Variants in AQR observed in about 807,000 individuals in gnomAD.
AQR encodes the protein aquarius intron-binding spliceosomal factor.
AQR carries 61 observed loss-of-function variants against 180.5 expected under a neutral mutation model. That is an observed-to-expected ratio of 0.34 (90% CI 0.28 to 0.42). AQR has a LOEUF of 0.42. AQR is among the 10% of genes least tolerant of loss of function. The pLI is 1.00. For synonymous variants in AQR, 551 were observed against 588.8 expected, an observed-to-expected ratio of 0.94 and a Z score of 0.93; for missense variants, 1,281 against 1,798.3, an observed-to-expected ratio of 0.71 and a Z score of 5.20.
intron 16 of AQR, among the ~76,000 whole-genome samples, chr15:34,913,900 C>A (rs1042404152): frequency 1.3e-5 from 2 of 152,090 alleles, no homozygotes; most frequent in African/African-American, 2.4e-5. Context: ...ATTATTAAGT[C>A]AAAAATGCTT....
intron 12 of AQR, among the ~76,000 whole-genome samples, chr15:34,928,218 ATTAT>A (rs1206943655): frequency 3.3e-5 from 5 of 151,696 alleles, no homozygotes; most frequent in African/African-American, 4.8e-5. Context: ...TTTTTACACC[ATTAT>A]TTATTTATTT....
intron 4 of AQR, among the ~76,000 whole-genome samples, chr15:34,952,080 T>G (rs1894243103): frequency 6.6e-6 from 1 of 152,214 alleles, no homozygotes; most frequent in African/African-American, 2.4e-5. Flanking sequence ...TCATTTTTTT[T>G]GTAAGGATCA....
At chr15:34,957,433 G>A (rs575340757) in intron 3 of AQR, among the ~76,000 whole-genome samples, 1 of 152,054 alleles carries the variant, frequency 6.6e-6, no homozygotes, top group African/African-American at 2.4e-5. Flanking sequence ...TAGGCCAGGC[G>A]TGGTGGCTCA....
At position 34,900,632 on chromosome 15, in the gene AQR, G is replaced by A; in HGVS notation, c.2233C>T (p.Pro745Ser). 6.2e-7 allele frequency: 1 copy of A among 1,613,806 alleles called. No homozygotes were observed. The highest frequency in any genetic ancestry group is 8.5e-7 in the Non-Finnish European group (1 of 1,179,832). The change falls in exon 20 of 35, where the codon CCC becomes TCC. Residue 745 changes from proline to serine, a missense_variant. Physicochemically the swap from Pro to Ser is moderately conservative, Grantham distance 74. Around this residue, in one of 9 missense-constraint regions of AQR, gnomAD observed 112 missense variants for 128.6 expected, o/e 0.87. Coordinates refer to ENST00000156471, the MANE Select transcript of AQR (RefSeq NM_014691.3). ...CAGTTCTGACTTTACCTGAAAGGGG[G>A]TATTTGTAGAGCAGGGTCTTCTACA... is the stretch of plus-strand genomic sequence containing the variant. ...VTVEDPALQIPPFRITFPVRS... is the reference protein window; with the variant it reads ...VTVEDPALQISPFRITFPVRS...
chr15:34,857,859 C>T (rs1172035323), intron 34 of AQR, among the ~76,000 whole-genome samples: 1 of 152,204 alleles, frequency 6.6e-6, no homozygotes. Flanking sequence ...GTTTCTGTTC[C>T]GTTCAACCAG....
chr15:34,956,823 G>C (rs539874519), intron 3 of AQR, among the ~76,000 whole-genome samples: 1 of 152,154 alleles, frequency 6.6e-6, no homozygotes, highest in African/African-American at 2.4e-5. Flanking sequence ...CATAAAATGA[G>C]GACAATAATA....
At chr15:34,871,385 T>C (rs1434267030) in intron 30 of AQR, among the ~76,000 whole-genome samples, 1 of 151,644 alleles carries the variant, frequency 6.6e-6, no homozygotes, top group Non-Finnish European at 1.5e-5. Flanking sequence ...TGCATGCCTA[T>C]AGTCTCAGCT....
At chr15:34,863,098 C>T in intron 32 of AQR, 57 bp from the exon 33 acceptor site, 1 of 1,155,286 alleles carries the variant, frequency 8.7e-7, no homozygotes, top group South Asian at 1.8e-5. Context: ...ATTTAAGCAG[C>T]TTTTTTTTTT....
chr15:34,960,836 G>A, intron 2 of AQR, 22 bp from the exon 3 acceptor site: 1 of 806,336 alleles, frequency 1.2e-6, no homozygotes, highest in African/African-American at 1.8e-5. Context: ...ATATAAAAAT[G>A]TTTAATATCT....
chr15:34,931,934 T>C lies in AQR; in HGVS notation c.900+384A>G, dbSNP rs1893870166. On this transcript the variant is annotated intron_variant, in intron 11 of 34. Coordinates refer to ENST00000156471, the MANE Select transcript of AQR (RefSeq NM_014691.3). ...GTTAAGTGCATTTGCAGCTTCCTTA[T>C]TCAAGGCAGCATGTATACTTCTACA... is the stretch of plus-strand genomic sequence containing the variant. Among the ~76,000 whole-genome samples, 6 of 152,254 alleles carry C rather than the reference T, an allele frequency of 3.9e-5. No individual in the cohort carries two copies. In the South Asian group the frequency reaches 1.2e-3, roughly 32 times the overall value.
chr15:34,952,906 T>C lies in AQR; in HGVS notation c.188A>G (p.Lys63Arg). The C allele has an allele frequency of 1.4e-6, 2 of 1,458,188 alleles. No individual in the cohort carries two copies. Among genetic ancestry groups the C allele is most frequent in the South Asian group, 1.2e-5 (1 of 81,646 alleles). 90.3% of individuals were successfully genotyped at this position (1,458,188 alleles called of 1,614,324 possible). A position where few individuals can be genotyped will look rare whatever the true frequency, so the allele number is the denominator to read the frequency against. The change falls in exon 4 of 35, where the codon AAG becomes AGG. Residue 63 changes from lysine (K) to arginine (R), a missense_variant. Coordinates refer to ENST00000156471, the MANE Select transcript of AQR (RefSeq NM_014691.3). ...EIVKSRFAIRKIMLLEFSQYL... is the reference protein window; with the variant it reads ...EIVKSRFAIRRIMLLEFSQYL... ...TTACCTAAATTCCAAGAGCATTATC[T>C]TTCTAATAGCAAACCTGAAAACATA...
intron 1 of AQR, among the ~76,000 whole-genome samples, chr15:34,965,508 C>T (rs142251194): frequency 0.05 from 7,556 of 152,014 alleles, 270 homozygotes; most frequent in African/African-American, 0.1. Context: ...CCATCTCTAC[C>T]AAAAACACAA....
Position 34,856,975 on chromosome 15 carries a change from G to T in AQR, c.4275C>A (p.Ser1425Arg). 1 of 1,614,142 alleles carries T rather than the reference G, an allele frequency of 6.2e-7. No individual in the cohort carries two copies. The change falls in exon 35 of 35, where the codon AGC becomes AGA. Residue 1425 changes from serine (S) to arginine (R), a missense_variant. Ser to Arg is a moderately radical substitution (Grantham distance 110). Coordinates refer to ENST00000156471, the MANE Select transcript of AQR (RefSeq NM_014691.3). ...GAAAGGCTGGAGTTTCTTGACGGCA[G>T]CTGGTGTCTGTTGGACTGGGTATGA... ...ADIIPSPTDT[S>R]CRQETPAFQT...
At chr15:34,930,469 A>C (rs926086232) in intron 11 of AQR, 98 bp from the exon 12 acceptor site, 9 of 649,172 alleles carry the variant, frequency 1.4e-5, no homozygotes, top group Non-Finnish European at 2.1e-5. Context: ...AGTTTCTCAG[A>C]GGTGCTGAAA....
chr15:34,914,968 A>G, intron 16 of AQR, 70 bp downstream of exon 16: 1 of 1,460,708 alleles, frequency 6.8e-7, no homozygotes, highest in Non-Finnish European at 9.1e-7. Context: ...ATATACTTAT[A>G]AGGTTTCTGA....
At chr15:34,914,705 T>C (rs139459715) in intron 16 of AQR, among the ~76,000 whole-genome samples, 54 of 152,284 alleles carry the variant, frequency 3.5e-4, no homozygotes, top group Middle Eastern at 3.4e-3. Context: ...CGGGCCTGCT[T>C]GGCCAACCCC....
At position 34,853,896 on chromosome 15, in the gene AQR, C is replaced by CT. The variant is rs1365321317; in HGVS notation, c.*2895dup. ...GCTGATAAGCAAATTAGGTACAACTCTGAGCCAGGTCTCGATGAGTCCAAA... is the reference window on the plus strand; with the variant it reads ...GCTGATAAGCAAATTAGGTACAACTCTTGAGCCAGGTCTCGATGAGTCCAAA... On this transcript the variant is annotated 3_prime_UTR_variant, in exon 35 of 35. Coordinates refer to ENST00000156471, the MANE Select transcript of AQR (RefSeq NM_014691.3). The CT allele has an allele frequency of 1.3e-5, 2 of 152,174 alleles. No homozygotes were observed. Among genetic ancestry groups the CT allele is most frequent in the Admixed American group, 1.3e-4 (2 of 15,276 alleles). 9.4% of individuals were successfully genotyped at this position (152,174 alleles called of 1,614,324 possible). A position where few individuals can be genotyped will look rare whatever the true frequency, so the allele number is the denominator to read the frequency against.
intron 31 of AQR, chr15:34,868,329 T>C (rs1892768240): frequency 6.8e-6 from 1 of 146,782 alleles, no homozygotes; most frequent in Non-Finnish European, 1.5e-5. Flanking sequence ...AGGCCCTGTT[T>C]AAAAAAAAAA....
At chr15:34,933,035 A>T (rs376561242) in intron 10 of AQR, among the ~76,000 whole-genome samples, 14 of 152,330 alleles carry the variant, frequency 9.2e-5, no homozygotes, top group African/African-American at 3.1e-4. Context: ...ACAAAATCCT[A>T]CATAAAATCC....
Sources: allele counts gnomAD v4.1 joint callset (sites outside exome capture counted in the v4.1 genomes callset), GRCh38; gene constraint gnomAD v4.1.1; regional missense constraint gnomAD v4.1.1; transcripts MANE v1.5; gene names NCBI Gene and HGNC (gene_info 2026-07-23, HGNC 2026-07-21).